Variants in ANKS1B observed in about 807,000 individuals in gnomAD.
ANKS1B encodes ankyrin repeat and sterile alpha motif domain-containing protein 1B.
Under a neutral mutation model 148.3 loss-of-function variants are expected in ANKS1B, and 36 were observed. The observed-to-expected ratio is 0.24, with a 90% CI of 0.19 to 0.32. The LOEUF is 0.32. ANKS1B is among the 10% of genes least tolerant of loss of function. The pLI is 1.00. For synonymous variants in ANKS1B, 542 were observed against 560.8 expected, an observed-to-expected ratio of 0.97 and a Z score of 0.47; for missense variants, 1,157 against 1,542.6, an observed-to-expected ratio of 0.75 and a Z score of 4.19.
At chr12:98,962,190 C>T (rs1413255692) in intron 17 of ANKS1B, among the ~76,000 whole-genome samples, 5 of 150,350 alleles carry the variant, frequency 3.3e-5, no homozygotes, top group South Asian at 2.1e-4. Flanking sequence ...ACAAGAAACC[C>T]GCTTCACCTA....
intron 1 of ANKS1B, among the ~76,000 whole-genome samples, chr12:99,948,637 A>G (rs2095135125): frequency 6.6e-6 from 1 of 152,172 alleles, no homozygotes; most frequent in East Asian, 1.9e-4. Context: ...ATATAAACAT[A>G]TGGCTTAGTT....
intron 9 of ANKS1B, among the ~76,000 whole-genome samples, chr12:99,629,215 C>T (rs752425203): frequency 6.6e-6 from 1 of 152,116 alleles, no homozygotes; most frequent in Non-Finnish European, 1.5e-5. Flanking sequence ...ATTCACTCAG[C>T]AAGTATTTAT....
At chr12:99,675,116 T>C (rs368643254) in intron 8 of ANKS1B, among the ~76,000 whole-genome samples, 3 of 152,010 alleles carry the variant, frequency 2.0e-5, no homozygotes, top group Admixed American at 6.6e-5. Flanking sequence ...GTGAGGGGCT[T>C]TGCATTGGGA....
At chr12:99,106,090 T>A (rs1363867998) in intron 15 of ANKS1B, among the ~76,000 whole-genome samples, 2 of 152,206 alleles carry the variant, frequency 1.3e-5, no homozygotes, top group African/African-American at 4.8e-5. Context: ...TTACTAGGGA[T>A]CTCTGCAAGG....
chr12:99,223,376 A>C (rs772669805), intron 14 of ANKS1B, among the ~76,000 whole-genome samples: 1 of 152,108 alleles, frequency 6.6e-6, no homozygotes, highest in African/African-American at 2.4e-5. Flanking sequence ...TTATTATTAC[A>C]TTGTAACATA....
At chr12:98,822,084 G>A (rs1346796778) in intron 19 of ANKS1B, among the ~76,000 whole-genome samples, 1 of 152,038 alleles carries the variant, frequency 6.6e-6, no homozygotes, top group Non-Finnish European at 1.5e-5. Context: ...GAGCAATGCA[G>A]CAAAACAGCA....
chr12:99,086,709 T>C (rs2051951862), intron 15 of ANKS1B, among the ~76,000 whole-genome samples: 3 of 152,226 alleles, frequency 2.0e-5, no homozygotes, highest in African/African-American at 7.2e-5. Flanking sequence ...ATTTTATCCC[T>C]AGATTTTAAT....
chr12:99,318,648 G>GT (rs1278738236), intron 12 of ANKS1B, among the ~76,000 whole-genome samples: 1 of 151,992 alleles, frequency 6.6e-6, no homozygotes, highest in Non-Finnish European at 1.5e-5. Flanking sequence ...TTTTTTGAAG[G>GT]TTTTTTTATG....
At chr12:99,755,821 ACT>A (rs1256456937) in intron 8 of ANKS1B, among the ~76,000 whole-genome samples, 1 of 152,092 alleles carries the variant, frequency 6.6e-6, no homozygotes. Context: ...CATGTTAAAA[ACT>A]CTCAATAAAC....
At chr12:98,984,835 C>T (rs564168238) in intron 17 of ANKS1B, among the ~76,000 whole-genome samples, 103 of 152,144 alleles carry the variant, frequency 6.8e-4, no homozygotes, top group African/African-American at 2.4e-3. Flanking sequence ...CATAGTGAGA[C>T]CCCAACACTG....
chr12:99,983,168 T>C (rs2095731693), intron 1 of ANKS1B, among the ~76,000 whole-genome samples: 1 of 152,216 alleles, frequency 6.6e-6, no homozygotes, highest in Non-Finnish European at 1.5e-5. Context: ...CCAGGATAAA[T>C]TGGATAGCCA....
intron 10 of ANKS1B, among the ~76,000 whole-genome samples, chr12:99,468,213 T>G (rs1450409221): frequency 6.6e-6 from 1 of 152,050 alleles, no homozygotes; most frequent in Non-Finnish European, 1.5e-5. Flanking sequence ...TAATAAATGG[T>G]GCTGGGAAAA....
At chr12:99,835,303 C>T (rs180671824) in intron 1 of ANKS1B, among the ~76,000 whole-genome samples, 1 of 150,338 alleles carries the variant, frequency 6.7e-6, no homozygotes, top group African/African-American at 2.4e-5. Flanking sequence ...TGGTGGCATG[C>T]ATCTGTAGTC....
At chr12:99,504,164 G>A (rs1341689593) in intron 10 of ANKS1B, among the ~76,000 whole-genome samples, 1 of 152,100 alleles carries the variant, frequency 6.6e-6, no homozygotes, top group Non-Finnish European at 1.5e-5. Context: ...CTACCAATTG[G>A]CTGTGAACTC....
At chr12:99,555,703 TTTTTG>T (rs770746378) in intron 9 of ANKS1B, among the ~76,000 whole-genome samples, 1 of 152,166 alleles carries the variant, frequency 6.6e-6, no homozygotes, top group Non-Finnish European at 1.5e-5. Flanking sequence ...GATCATGTGG[TTTTTG>T]TTTTTAGTTC....
At chr12:98,768,227 T>C (rs531642071) in intron 25 of ANKS1B, among the ~76,000 whole-genome samples, 26 of 152,118 alleles carry the variant, frequency 1.7e-4, no homozygotes, top group African/African-American at 6.0e-4. Flanking sequence ...CTTGTGTGTA[T>C]ATATTGGCTT....
At chr12:99,693,941 TG>T (rs1448613670) in intron 8 of ANKS1B, among the ~76,000 whole-genome samples, 1 of 151,410 alleles carries the variant, frequency 6.6e-6, no homozygotes, top group African/African-American at 2.4e-5. Context: ...CCAACATGCC[TG>T]GCTAGTTTTT....
chr12:99,984,843 C>T lies in ANKS1B; in HGVS notation c.-606G>A, dbSNP rs1436789472. On this transcript the variant is annotated 5_prime_UTR_variant, in exon 1 of 27. Transcript: ENST00000683438. ...GGGGGCAGCCGCAGCGGGCGCGTGC[C>T]GAGGGCGGCGGCGGCGGCGAGGCCT... Among the ~76,000 whole-genome samples, 1 of 146,050 alleles carries T rather than the reference C, an allele frequency of 6.8e-6. No individual in the cohort carries two copies. The highest frequency in any genetic ancestry group is 2.1e-4 in the South Asian group (1 of 4,802).
chr12:99,828,485 A>G (rs2083481390), intron 1 of ANKS1B, among the ~76,000 whole-genome samples: 1 of 152,146 alleles, frequency 6.6e-6, no homozygotes, highest in African/African-American at 2.4e-5. Context: ...ATAACCAAAG[A>G]CATCCAATCA....
Sources: allele counts gnomAD v4.1 joint callset (sites outside exome capture counted in the v4.1 genomes callset), GRCh38; gene constraint gnomAD v4.1.1; transcripts MANE v1.5; gene names NCBI Gene and HGNC (gene_info 2026-07-23, HGNC 2026-07-21).